The following NRG1 variants were observed in gnomAD, a reference collection of about 807,000 sequenced individuals.
The protein encoded by NRG1 is neuregulin 1.
In NRG1, 18 loss-of-function variants were observed where a neutral mutation model predicts 63.8. That is an observed-to-expected ratio of 0.28 (90% CI 0.19 to 0.42). The LOEUF is 0.42. Ranked by LOEUF, NRG1 falls within the 10% of genes least tolerant of loss-of-function variation. The pLI, the probability that NRG1 is intolerant of heterozygous loss-of-function variation, is 1.00. For synonymous variants in NRG1, 302 were observed against 301.3 expected (o/e 1.00, Z -0.02); for missense variants, 762 against 814.7 (o/e 0.94, Z 0.79).
At chr8:31,871,790 C>T (rs1231683623) in intron 1 of NRG1, among the ~76,000 whole-genome samples, 1 of 152,186 alleles carries the variant, frequency 6.6e-6, no homozygotes, top group Non-Finnish European at 1.5e-5. Context: ...TGGTTTACCA[C>T]ATATTCCTGT....
chr8:31,808,075 T>A (rs1822473042), intron 1 of NRG1, among the ~76,000 whole-genome samples: 1 of 152,104 alleles, frequency 6.6e-6, no homozygotes, highest in Admixed American at 6.6e-5. Context: ...TTTTAAGCGA[T>A]AAAGAATAAA....
chr8:31,831,398 C>T (rs774544058), intron 1 of NRG1, among the ~76,000 whole-genome samples: 43 of 151,860 alleles, frequency 2.8e-4, no homozygotes, highest in Non-Finnish European at 5.3e-4. Context: ...CCACCGTGCC[C>T]AGCCCACATT....
chr8:32,512,008 G>C (rs1220875705), intron 1 of NRG1, among the ~76,000 whole-genome samples: 1 of 152,100 alleles, frequency 6.6e-6, no homozygotes, highest in East Asian at 1.9e-4. Flanking sequence ...CACATGCCAG[G>C]TAGGAGGCTA....
intron 1 of NRG1, among the ~76,000 whole-genome samples, chr8:31,842,782 C>A (rs1035109590): frequency 5.3e-5 from 8 of 152,026 alleles, no homozygotes; most frequent in African/African-American, 1.9e-4. Flanking sequence ...AAGATATGCC[C>A]TTGATGTAGT....
chr8:32,422,807 T>G (rs1213529713), intron 1 of NRG1, among the ~76,000 whole-genome samples: 2 of 152,250 alleles, frequency 1.3e-5, no homozygotes, highest in Non-Finnish European at 2.9e-5. Context: ...TGCATCAGAC[T>G]GTAACTGAAT....
chr8:32,306,743 T>G (rs1053424927), intron 1 of NRG1, among the ~76,000 whole-genome samples: 2 of 152,232 alleles, frequency 1.3e-5, no homozygotes, highest in African/African-American at 4.8e-5. Flanking sequence ...TTGCTCCGAA[T>G]TTTGTGATCT....
At chr8:32,539,318 G>A (rs1588168799) in intron 1 of NRG1, among the ~76,000 whole-genome samples, 1 of 152,120 alleles carries the variant, frequency 6.6e-6, no homozygotes, top group Non-Finnish European at 1.5e-5. Context: ...CTGGGGGTGT[G>A]AACTGAAACT....
At chr8:32,404,957 T>C (rs1290371163) in intron 1 of NRG1, among the ~76,000 whole-genome samples, 1 of 152,276 alleles carries the variant, frequency 6.6e-6, no homozygotes, top group East Asian at 1.9e-4. Flanking sequence ...CCCTCCCAGT[T>C]GCTCCTAAGG....
intron 1 of NRG1, among the ~76,000 whole-genome samples, chr8:31,703,140 A>G (rs1810793739): frequency 6.7e-6 from 1 of 149,990 alleles, no homozygotes; most frequent in South Asian, 2.2e-4. Context: ...AAATAGATCT[A>G]AGAACCTTAG....
At chr8:32,671,836 A>AT (rs1805713703) in intron 5 of NRG1, among the ~76,000 whole-genome samples, 1 of 152,228 alleles carries the variant, frequency 6.6e-6, no homozygotes, top group Non-Finnish European at 1.5e-5. Flanking sequence ...CTAATGTGAC[A>AT]TAAACATATT....
chr8:32,748,600 C>G (rs1395016336), intron 7 of NRG1: 2 of 401,474 alleles, frequency 5.0e-6, no homozygotes, highest in Admixed American at 3.0e-5. Flanking sequence ...GCCAGGATTG[C>G]TGGCTCTTGG....
intron 1 of NRG1, among the ~76,000 whole-genome samples, chr8:32,352,508 C>A (rs1041705043): frequency 1.3e-5 from 2 of 152,146 alleles, no homozygotes; most frequent in African/African-American, 4.8e-5. Flanking sequence ...ACTGGGCAAG[C>A]AATTTGCGGG....
intron 5 of NRG1, among the ~76,000 whole-genome samples, chr8:32,686,908 T>G (rs1002888259): frequency 6.6e-6 from 1 of 152,138 alleles, no homozygotes; most frequent in Admixed American, 6.5e-5. Context: ...GCACAGGAGG[T>G]GTAGCCTGCT....
intron 3 of NRG1, among the ~76,000 whole-genome samples, chr8:32,608,327 C>T (rs115312851): frequency 2.7e-5 from 4 of 150,790 alleles, no homozygotes; most frequent in Non-Finnish European, 4.4e-5. Context: ...CATGCCATTA[C>T]GCCTGGCTAA....
At chr8:32,675,298 A>G (rs1806788336) in intron 5 of NRG1, among the ~76,000 whole-genome samples, 1 of 152,210 alleles carries the variant, frequency 6.6e-6, no homozygotes, top group Admixed American at 6.5e-5. Flanking sequence ...TTCTTCCTCC[A>G]CAGCACAGAT....
At chr8:32,412,946 T>C (rs966807565) in intron 1 of NRG1, among the ~76,000 whole-genome samples, 1 of 152,112 alleles carries the variant, frequency 6.6e-6, no homozygotes, top group Non-Finnish European at 1.5e-5. Context: ...TCAACCTAAC[T>C]TTAAAACTGG....
intron 1 of NRG1, among the ~76,000 whole-genome samples, chr8:31,769,338 T>A (rs1291073443): frequency 6.6e-6 from 1 of 152,202 alleles, no homozygotes; most frequent in Admixed American, 6.5e-5. Flanking sequence ...CATCGTTTTG[T>A]GAACTATGAG....
At chr8:32,295,880 T>C (rs918500308) in intron 1 of NRG1, among the ~76,000 whole-genome samples, 2 of 143,726 alleles carry the variant, frequency 1.4e-5, no homozygotes, top group Non-Finnish European at 3.0e-5. Context: ...GAGGTTGCAG[T>C]GAGCCAAGAT....
chr8:32,041,702 C>T (rs1021382280), intron 1 of NRG1, among the ~76,000 whole-genome samples: 18 of 152,110 alleles, frequency 1.2e-4, no homozygotes, highest in Non-Finnish European at 2.4e-4. Flanking sequence ...CCTTCTTGGC[C>T]TCCAACATGG....
Sources: gnomAD v4.1 joint callset for allele counts (sites outside exome capture counted in the v4.1 genomes callset) on GRCh38, gnomAD v4.1.1 for gene constraint, MANE v1.5 for transcripts, NCBI Gene and HGNC (gene_info 2026-07-23, HGNC 2026-07-21) for gene names.